Variants in EML5 observed in about 807,000 individuals in gnomAD.
EML5 encodes the protein EMAP like 5, also known as echinoderm microtubule-associated protein-like 5.
Under a neutral mutation model 250.0 loss-of-function variants are expected in EML5, and 120 were observed. The ratio of observed to expected loss-of-function variants is 0.48; its 90% CI spans 0.41 to 0.56. The LOEUF (loss-of-function observed/expected upper bound fraction) is 0.56. EML5 is among the 20% of genes least tolerant of loss of function. The pLI, the probability that EML5 is intolerant of heterozygous loss-of-function variation, is 0.00. For missense variants in EML5, 2,006 were observed against 2,437.6 expected, an observed-to-expected ratio of 0.82 and a Z score of 3.73; for synonymous variants, 771 against 806.5, an observed-to-expected ratio of 0.96 and a Z score of 0.75.
At position 88,620,481 on chromosome 14, in the gene EML5, G is replaced by T; in HGVS notation, c.5375+273C>A. On this transcript the variant is annotated intron_variant, in intron 39 of 43. Transcript: ENST00000554922. This position sits in a 1 kb window ranked among gnomAD's most constrained non-coding sequence, Gnocchi z 4.3. ...ATTACAGTGGGAGATACCTCTTGGT[G>T]GGATGAACTTAATGGACATGGCTAA... 3.5e-6 allele frequency: 1 copy of T among 284,294 alleles called. No individual in the cohort carries two copies. The highest frequency in any genetic ancestry group is 6.5e-6 in the Non-Finnish European group (1 of 154,790). The allele number at this position is 284,294 out of a possible 1,614,324, so 17.6% of individuals were successfully genotyped here.
At chr14:88,709,784 T>C (rs2093374126) in intron 10 of EML5, among the ~76,000 whole-genome samples, 1 of 152,160 alleles carries the variant, frequency 6.6e-6, no homozygotes, top group Admixed American at 6.6e-5. Flanking sequence ...GACAGGAGAA[T>C]AAATGCATGA....
Position 88,748,998 on chromosome 14 carries a change from A to G in EML5, c.358-2715T>C, listed in dbSNP as rs1164648754. Reference sequence around the variant, plus strand: ...TAGAAGGAGAGAAAAGACAGAGGAAAAGAAAAAAAAAAACTGAAGAAATAA... The same window carrying G: ...TAGAAGGAGAGAAAAGACAGAGGAAGAGAAAAAAAAAAACTGAAGAAATAA... On this transcript the variant is annotated intron_variant, in intron 2 of 43. Coordinates refer to ENST00000554922, the MANE Select transcript of EML5 (RefSeq NM_183387.3). Among the ~76,000 whole-genome samples, 6 of 151,838 alleles carry G rather than the reference A, an allele frequency of 4.0e-5. No individual in the cohort carries two copies. In the East Asian group the frequency reaches 1.2e-3, roughly 29 times the overall value.
At chr14:88,701,870 T>C (rs961783638) in intron 14 of EML5, among the ~76,000 whole-genome samples, 4 of 152,214 alleles carry the variant, frequency 2.6e-5, no homozygotes, top group Non-Finnish European at 5.9e-5. Flanking sequence ...AAAATAAATA[T>C]ACATTAATAA....
intron 23 of EML5, among the ~76,000 whole-genome samples, chr14:88,663,563 G>A (rs966180627): frequency 1.3e-5 from 2 of 152,028 alleles, no homozygotes; most frequent in African/African-American, 4.8e-5. Context: ...CATATGCCAT[G>A]CATTCTGCTA....
chr14:88,747,606 A>C (rs2094025439), intron 2 of EML5, among the ~76,000 whole-genome samples: 1 of 152,196 alleles, frequency 6.6e-6, no homozygotes, highest in African/African-American at 2.4e-5. Context: ...TTAATGTGCG[A>C]AATAAAATTA....
intron 25 of EML5, among the ~76,000 whole-genome samples, chr14:88,661,124 T>C (rs1357418261): frequency 6.6e-6 from 1 of 152,200 alleles, no homozygotes; most frequent in Non-Finnish European, 1.5e-5. Flanking sequence ...GGTTTTGCGC[T>C]GTCACCCAGA....
intron 35 of EML5, 169 bp downstream of exon 35, chr14:88,626,669 T>C: frequency 1.4e-6 from 1 of 709,634 alleles, no homozygotes. Context: ...TTTCACTCCC[T>C]AATTTCTGAA....
chr14:88,704,782 G>A, intron 13 of EML5, 78 bp downstream of exon 13: 1 of 1,035,516 alleles, frequency 9.7e-7, no homozygotes, highest in Non-Finnish European at 1.5e-6. Flanking sequence ...GATACAGTCA[G>A]TTCTATCATT....
intron 16 of EML5, among the ~76,000 whole-genome samples, chr14:88,695,091 G>T (rs577363273): frequency 1.8e-4 from 27 of 152,012 alleles, no homozygotes; most frequent in African/African-American, 6.0e-4. Context: ...TCATACAGTA[G>T]AACACATTCT....
chr14:88,733,031 T>G (rs1017181460), intron 7 of EML5, among the ~76,000 whole-genome samples: 1 of 152,214 alleles, frequency 6.6e-6, no homozygotes, highest in African/African-American at 2.4e-5. Flanking sequence ...AATGTGAAAC[T>G]TACATTGTGG....
At chr14:88,740,963 G>C (rs2093915928) in intron 4 of EML5, among the ~76,000 whole-genome samples, 1 of 152,130 alleles carries the variant, frequency 6.6e-6, no homozygotes, top group Non-Finnish European at 1.5e-5. Flanking sequence ...AGGAGTTCAA[G>C]ACCAGCCTGG....
At chr14:88,748,988 G>C (rs2094049986) in intron 2 of EML5, among the ~76,000 whole-genome samples, 1 of 150,000 alleles carries the variant, frequency 6.7e-6, no homozygotes, top group Admixed American at 6.6e-5. Context: ...GGAGAGAAAA[G>C]ACAGAGGAAA....
intron 1 of EML5, among the ~76,000 whole-genome samples, chr14:88,770,585 G>C (rs2094381346): frequency 6.6e-6 from 1 of 152,118 alleles, no homozygotes; most frequent in South Asian, 2.1e-4. Context: ...GATAGGAGCT[G>C]AATGTATTGC....
Position 88,622,624 on chromosome 14 carries a change from G to C in EML5, c.4993C>G (p.Arg1665Gly). The change falls in exon 37 of 44, where the codon CGT becomes GGT. Residue 1665 changes from arginine to glycine, a missense_variant. This residue lies in a region of EML5 where 405 missense variants were observed against 523.3 expected (regional missense o/e 0.77). Coordinates refer to ENST00000554922, the MANE Select transcript of EML5 (RefSeq NM_183387.3). Reference sequence around the variant, plus strand: ...CTTACTTTGCCTCTGCACACAGAACGAACACAATCTGTGGCTTGTCCTGTC... The same window carrying C: ...CTTACTTTGCCTCTGCACACAGAACCAACACAATCTGTGGCTTGTCCTGTC... ...LETGQATDCV[R>G]SVCRGKGKIL... 6.2e-7 allele frequency: 1 copy of C among 1,608,542 alleles called. No individual in the cohort carries two copies. Among genetic ancestry groups the C allele is most frequent in the Non-Finnish European group, 8.5e-7 (1 of 1,177,272 alleles).
chr14:88,621,453 T>C, intron 37 of EML5, 152 bp from the exon 38 acceptor site: 1 of 760,370 alleles, frequency 1.3e-6, no homozygotes, highest in East Asian at 2.5e-5. Flanking sequence ...ATGCAAATTT[T>C]TCTATGACTA....
rs766870255 is a variant in EML5 at position 88,687,226 on chromosome 14, T to G, written c.2844A>C (p.Pro948=). ...TAAGTCTCAAATCACCTTTAGATCC[T>G]GGGGCCAATGCAGCTCTTTTTATAG... ...TYAIKRAALA[P]GSKGLLLEDN... is the part of the protein sequence containing the mutation. The change falls in exon 19 of 44, where the codon CCA becomes CCC. Residue 948 remains proline (P), a synonymous_variant. Transcript: ENST00000554922. 120 of 1,606,496 alleles carry G rather than the reference T, an allele frequency of 7.5e-5. No homozygotes were observed. The highest frequency in any genetic ancestry group is 1.0e-4 in the Non-Finnish European group (120 of 1,177,268).
In EML5 at chr14:88,687,309, T is replaced by G. The variant is rs1230117255; in HGVS notation, c.2761A>C (p.Lys921Gln). The change falls in exon 19 of 44, where the codon AAA becomes CAA. Residue 921 changes from lysine (K) to glutamine (Q), a missense_variant. Lys to Gln is a moderately conservative substitution (Grantham distance 53). Coordinates refer to ENST00000554922, the MANE Select transcript of EML5 (RefSeq NM_183387.3). Reference protein sequence around the residue: ...ALEKGFVTGGKDGIVALWDDS... With the variant: ...ALEKGFVTGGQDGIVALWDDS... ...TCCCAAAGAGCTACTATACCATCTT[T>G]TCCTCCAGTTACAAACCCCTATGGA... The G allele has an allele frequency of 6.2e-7, 1 of 1,607,560 alleles. No homozygotes were observed. Among genetic ancestry groups the G allele is most frequent in the Admixed American group, 1.7e-5 (1 of 58,830 alleles).
At chr14:88,684,171 A>G (rs1283246180) in intron 20 of EML5, among the ~76,000 whole-genome samples, 1 of 150,582 alleles carries the variant, frequency 6.6e-6, no homozygotes, top group African/African-American at 2.4e-5. Flanking sequence ...GAAATGAACA[A>G]TATGCAATCA....
At chr14:88,784,730 G>A (rs534931642) in intron 1 of EML5, among the ~76,000 whole-genome samples, 18 of 152,220 alleles carry the variant, frequency 1.2e-4, no homozygotes, top group African/African-American at 4.1e-4. Context: ...AACAAATGCT[G>A]GAAAGGATGT....
Sources: allele counts gnomAD v4.1 joint callset (sites outside exome capture counted in the v4.1 genomes callset), GRCh38; gene constraint gnomAD v4.1.1; regional missense constraint gnomAD v4.1.1; non-coding constraint Gnocchi (gnomAD v3.1); transcripts MANE v1.5; gene names NCBI Gene and HGNC (gene_info 2026-07-23, HGNC 2026-07-21).